The following ERP44 variants were observed in gnomAD, a reference collection of about 807,000 sequenced individuals.
ERP44 encodes the protein endoplasmic reticulum protein 44.
Under a neutral mutation model 53.4 loss-of-function variants are expected in ERP44, and 25 were observed. The ratio of observed to expected loss-of-function variants is 0.47; its 90% CI spans 0.34 to 0.65. The LOEUF is 0.65. Ranked by LOEUF, ERP44 falls within the 30% of genes least tolerant of loss-of-function variation. The pLI, the probability that ERP44 is intolerant of heterozygous loss-of-function variation, is 0.01. For missense variants in ERP44, 338 were observed against 493.2 expected (o/e 0.69, Z 2.98); for synonymous variants, 145 against 161.2 (o/e 0.90, Z 0.76).
chr9:100,028,106 C>G (rs982338671), intron 4 of ERP44, among the ~76,000 whole-genome samples: 7 of 152,196 alleles, frequency 4.6e-5, no homozygotes, highest in African/African-American at 1.7e-4. Context: ...TAAAAAGCTT[C>G]TCAATTTCCA....
At chr9:100,034,464 C>G (rs1825828496) in intron 4 of ERP44, among the ~76,000 whole-genome samples, 2 of 152,172 alleles carry the variant, frequency 1.3e-5, no homozygotes, top group Admixed American at 1.3e-4. Flanking sequence ...AAAGAAGTAA[C>G]CATAAAAATA....
chr9:100,006,555 T>C lies in ERP44; in HGVS notation c.967A>G (p.Ile323Val). ...ACATACATATGCCTAAAGCTGTCAATAGCGATTACAGGACAATCTGCTGGA... is the reference window on the plus strand; with the variant it reads ...ACATACATATGCCTAAAGCTGTCAACAGCGATTACAGGACAATCTGCTGGA... ...KTPADCPVIA[I>V]DSFRHMYVFG... Residue 323 changes from isoleucine (I) to valine (V), a missense_variant, in exon 10 of 12, where the codon ATT becomes GTT. This residue lies in a region of ERP44 where 113 missense variants were observed against 172.6 expected (regional missense o/e 0.65). Transcript: ENST00000262455. The C allele has an allele frequency of 6.2e-7, 1 of 1,611,352 alleles. No homozygotes were observed. The highest frequency in any genetic ancestry group is 8.5e-7 in the Non-Finnish European group (1 of 1,178,246).
At position 100,081,309 on chromosome 9, in the gene ERP44, C is replaced by A. The variant is rs1202694080; in HGVS notation, c.57+17475G>T. ...AGTTACTAAACAAAGTGGAATGGGG[C>A]CAAAAAGCATTTAATAAGACAAAAA... is the stretch of plus-strand genomic sequence containing the variant. On this transcript the variant is annotated intron_variant, in intron 1 of 11. Transcript: ENST00000262455. Among the ~76,000 whole-genome samples the A allele has an allele frequency of 2.0e-5, 3 of 151,780 alleles. No individual in the cohort carries two copies. In the East Asian group the frequency reaches 5.8e-4, roughly 29 times the overall value.
chr9:99,984,994 A>G lies in ERP44; in HGVS notation c.1092T>C (p.Pro364=), dbSNP rs772605654. The G allele has an allele frequency of 1.2e-6, 2 of 1,612,722 alleles. No individual in the cohort carries two copies. Among genetic ancestry groups the G allele is most frequent in the South Asian group, 1.1e-5 (1 of 91,036 alleles). The change falls in exon 11 of 12, where the codon CCT becomes CCC. Residue 364 remains proline, a synonymous_variant. Transcript: ENST00000262455. ...GKLHREFHHG[P]DPTDTAPGEQ... ...CTCCTGGGGCTGTATCAGTTGGGTC[A>G]GGTCCATGATGGAATTCTCTGTGCA... is the stretch of plus-strand genomic sequence containing the variant.
rs941468740 is a variant in ERP44, at chr9:99,981,271, G to A, written c.*1341C>T. 4 of 152,146 alleles carry A rather than the reference G, an allele frequency of 2.6e-5. No homozygotes were observed. Among genetic ancestry groups the A allele is most frequent in the African/African-American group, 7.3e-5 (3 of 41,372 alleles). The allele number at this position is 152,146 out of a possible 1,614,324, so 9.4% of individuals were successfully genotyped here. A position where few individuals can be genotyped will look rare whatever the true frequency, so the allele number is the denominator to read the frequency against. ...AAACTTTGGATAAATCATGCATAAC[G>A]AGGAATTATAAGCTGGTTTTTAAAA... On this transcript the variant is annotated 3_prime_UTR_variant, in exon 12 of 12. Coordinates refer to ENST00000262455, the MANE Select transcript of ERP44 (RefSeq NM_015051.3).
chr9:100,076,501 C>T (rs1336713830), intron 1 of ERP44, among the ~76,000 whole-genome samples: 2 of 152,306 alleles, frequency 1.3e-5, no homozygotes, highest in Middle Eastern at 3.4e-3. Context: ...ACCATAGCCC[C>T]TTTCTAGGAT....
intron 1 of ERP44, among the ~76,000 whole-genome samples, chr9:100,085,843 G>A (rs1270780459): frequency 6.6e-6 from 1 of 152,222 alleles, no homozygotes; most frequent in Non-Finnish European, 1.5e-5. Flanking sequence ...AAGTTGCAGT[G>A]AGCCAAGATC....
chr9:100,080,142 T>C (rs78197968), intron 1 of ERP44, among the ~76,000 whole-genome samples: 2,273 of 152,204 alleles, frequency 0.015, 51 homozygotes, highest in African/African-American at 0.052. Context: ...AAGCGAGCCC[T>C]AGTTTACCTA....
intron 9 of ERP44, 79 bp from the exon 10 acceptor site, chr9:100,006,726 G>T: frequency 1.0e-6 from 1 of 981,906 alleles, no homozygotes; most frequent in Non-Finnish European, 1.5e-6. Flanking sequence ...CTCACAAAAA[G>T]TGACATACTA....
In ERP44 at chr9:100,059,722, A is replaced by C. The variant is rs148090634; in HGVS notation, c.130+378T>G. Reference sequence around the variant, plus strand: ...AAAATAAAAAATAAAAAAAGTACTGAGCTTAACTGGACCAATAACAATAAA... The same window carrying C: ...AAAATAAAAAATAAAAAAAGTACTGCGCTTAACTGGACCAATAACAATAAA... On this transcript the variant is annotated intron_variant, in intron 2 of 11. Coordinates refer to ENST00000262455, the MANE Select transcript of ERP44 (RefSeq NM_015051.3). Among the ~76,000 whole-genome samples, 26 of 152,206 alleles carry C rather than the reference A, an allele frequency of 1.7e-4. No homozygotes were observed. In the East Asian group the frequency reaches 4.8e-3, roughly 28 times the overall value.
intron 4 of ERP44, among the ~76,000 whole-genome samples, chr9:100,025,012 C>T (rs1030734389): frequency 2.0e-5 from 3 of 152,030 alleles, no homozygotes; most frequent in South Asian, 2.1e-4. Context: ...CCCATAGCCC[C>T]GGCTATGGTA....
At chr9:100,052,275 T>G in intron 4 of ERP44, 142 bp downstream of exon 4, 1 of 426,016 alleles carries the variant, frequency 2.3e-6, no homozygotes, top group Non-Finnish European at 4.1e-6. Flanking sequence ...ACCTTTTCGG[T>G]TTGTTCTCCA....
intron 1 of ERP44, among the ~76,000 whole-genome samples, chr9:100,073,351 T>C (rs911838224): frequency 6.6e-6 from 1 of 152,216 alleles, no homozygotes; most frequent in Non-Finnish European, 1.5e-5. Context: ...AACTGTTACA[T>C]AGAATTAGTT....
chr9:100,058,248 G>C (rs965063335), intron 2 of ERP44, among the ~76,000 whole-genome samples: 1 of 151,964 alleles, frequency 6.6e-6, no homozygotes, highest in Non-Finnish European at 1.5e-5. Context: ...GCTAATTTTT[G>C]TATTTTTTTG....
At chr9:100,025,616 T>C (rs1268964378) in intron 4 of ERP44, among the ~76,000 whole-genome samples, 6 of 152,020 alleles carry the variant, frequency 3.9e-5, no homozygotes, top group African/African-American at 1.2e-4. Context: ...ACTTCCTTAA[T>C]TGAAAAAAAG....
At chr9:100,094,976 A>G (rs78771004) in intron 1 of ERP44, among the ~76,000 whole-genome samples, 2 of 147,818 alleles carry the variant, frequency 1.4e-5, no homozygotes, top group Non-Finnish European at 3.0e-5. Flanking sequence ...TGCCTCAAGA[A>G]AAAAAAAAAA....
rs56066117 is a variant in ERP44, at chr9:100,043,258, CAAAAAAAAAAAAAA to C, written c.286+9145_286+9158del. Among the ~76,000 whole-genome samples the C allele has an allele frequency of 1.2e-3, 25 of 20,272 alleles. No individual in the cohort carries two copies. In the East Asian group the frequency reaches 0.027, roughly 22 times the overall value. The allele number at this position is 20,272 out of a possible 152,430, so 13.3% of individuals were successfully genotyped here. ...TGGGCAACAGAGCGAGACTCTGTCTCAAAAAAAAAAAAAAAAAAAAAAAAAAAAAAAAAGATAAA... is the reference window on the plus strand; with the variant it reads ...TGGGCAACAGAGCGAGACTCTGTCTCAAAAAAAAAAAAAAAAAAAGATAAA... On this transcript the variant is annotated intron_variant, in intron 4 of 11. Transcript: ENST00000262455.
chr9:100,014,463 T>G (rs907958318), intron 8 of ERP44, among the ~76,000 whole-genome samples: 1 of 152,080 alleles, frequency 6.6e-6, no homozygotes, highest in Admixed American at 6.5e-5. Context: ...TTTGCATTTT[T>G]AGTAGAGACG....
At position 100,018,367 on chromosome 9, in the gene ERP44, GGAATTACA is replaced by G. The variant is rs557313453; in HGVS notation, c.588-62_588-55del. Reference sequence around the variant, plus strand: ...CTGAATGACAGAATTTTGCAATGTAGGAATTACAGACTTGAAATATATACTTATCCATC... The same window carrying G: ...CTGAATGACAGAATTTTGCAATGTAGGACTTGAAATATATACTTATCCATC... On this transcript the variant is annotated intron_variant, in intron 6 of 11. Transcript: ENST00000262455. 9,051 of 1,031,628 alleles carry G rather than the reference GGAATTACA, an allele frequency of 8.8e-3. 52 individuals carry two copies. Among genetic ancestry groups the G allele is most frequent in the Non-Finnish European group, 0.011 (7,466 of 649,272 alleles). The allele number at this position is 1,031,628 out of a possible 1,614,324, so 63.9% of individuals were successfully genotyped here. A position where few individuals can be genotyped will look rare whatever the true frequency, so the allele number is the denominator to read the frequency against.
Sources: allele counts gnomAD v4.1 joint callset (sites outside exome capture counted in the v4.1 genomes callset), GRCh38; gene constraint gnomAD v4.1.1; regional missense constraint gnomAD v4.1.1; transcripts MANE v1.5; gene names NCBI Gene and HGNC (gene_info 2026-07-23, HGNC 2026-07-21).